Variants in SLC35H1 observed in about 807,000 individuals in gnomAD.
The protein encoded by SLC35H1 is ovarian cancer-overexpressed gene 1 protein.
At chr20:46,347,951 T>G in the SLC35H1 span, 1 of 152,260 alleles carries the variant, frequency 6.6e-6, no homozygotes, top group Admixed American at 6.5e-5. Flanking sequence ...TCTCCGCCCC[T>G]TCTGCAGAAG....
At chr20:46,361,345 T>A in the SLC35H1 span, among the ~76,000 whole-genome samples, 1 of 152,296 alleles carries the variant, frequency 6.6e-6, no homozygotes, top group Non-Finnish European at 1.5e-5. Flanking sequence ...TTCAGAAATA[T>A]CCCAAATATG....
the SLC35H1 span, chr20:46,358,345 A>C: frequency 1.5e-5 from 23 of 1,565,574 alleles, no homozygotes; most frequent in Admixed American, 3.8e-4. Context: ...GGCTCTGGCC[A>C]CCTTCATCCC....
chr20:46,352,861 T>C, the SLC35H1 span: 1 of 153,734 alleles, frequency 6.5e-6, no homozygotes, highest in Non-Finnish European at 1.4e-5. Flanking sequence ...TGGCCCTGCA[T>C]GGAAAGACGG....
chr20:46,350,506 G>A, the SLC35H1 span: 1 of 1,603,278 alleles, frequency 6.2e-7, no homozygotes. Context: ...CCCCTTCAAG[G>A]CCTTGGGGCC....
chr20:46,363,140 G>A, the SLC35H1 span: 3 of 152,234 alleles, frequency 2.0e-5, no homozygotes, highest in East Asian at 1.9e-4. Context: ...TGGGTGCCAC[G>A]ATACCACATT....
At chr20:46,351,184 T>C in the SLC35H1 span, among the ~76,000 whole-genome samples, 1 of 152,148 alleles carries the variant, frequency 6.6e-6, no homozygotes, top group Non-Finnish European at 1.5e-5. Context: ...TCGCGCCTTA[T>C]CCACAAGGAT....
the SLC35H1 span, chr20:46,358,375 G>A: frequency 4.3e-6 from 7 of 1,612,506 alleles, no homozygotes; most frequent in East Asian, 1.3e-4. Flanking sequence ...CCCCAGCAAG[G>A]CCTCCTGGTA....
At chr20:46,363,744 C>T in the SLC35H1 span, among the ~76,000 whole-genome samples, 1 of 152,210 alleles carries the variant, frequency 6.6e-6, no homozygotes, top group Non-Finnish European at 1.5e-5. Context: ...ATCTATAAAG[C>T]AGCCAGAGAG....
chr20:46,353,489 G>A, the SLC35H1 span, among the ~76,000 whole-genome samples: 1 of 152,202 alleles, frequency 6.6e-6, no homozygotes, highest in Non-Finnish European at 1.5e-5. Flanking sequence ...GCTGGAAGCT[G>A]GACGAGTATT....
At chr20:46,355,962 C>T in the SLC35H1 span, 20 of 1,579,996 alleles carry the variant, frequency 1.3e-5, no homozygotes, top group South Asian at 2.3e-5. This position sits in a 1 kb window ranked among gnomAD's most constrained non-coding sequence, Gnocchi z 4.8. Context: ...AATCACTGAG[C>T]GAAATGACCA....
the SLC35H1 span, chr20:46,358,594 A>C: frequency 6.2e-7 from 1 of 1,600,990 alleles, no homozygotes; most frequent in Non-Finnish European, 8.5e-7. Context: ...CGGTGGAGTT[A>C]GACCACAGCT....
the SLC35H1 span, chr20:46,350,532 T>C: frequency 8.2e-6 from 13 of 1,582,738 alleles, no homozygotes; most frequent in African/African-American, 5.5e-5. Context: ...CACCTTGGGA[T>C]AGAGAGAGAC....
At chr20:46,360,583 T>TGCCCAG in the SLC35H1 span, among the ~76,000 whole-genome samples, 1 of 152,122 alleles carries the variant, frequency 6.6e-6, no homozygotes, top group African/African-American at 2.4e-5. Context: ...TCGCTCCTGT[T>TGCCCAG]GCCCAGGCTG....
the SLC35H1 span, chr20:46,362,972 G>A: frequency 6.6e-6 from 1 of 152,272 alleles, no homozygotes; most frequent in African/African-American, 2.4e-5. Flanking sequence ...CTCCATGTTG[G>A]TCAGGCTGGT....
chr20:46,359,052 G>T, the SLC35H1 span: 1 of 412,044 alleles, frequency 2.4e-6, no homozygotes, highest in Non-Finnish European at 4.6e-6. Context: ...CCCTTCTTTC[G>T]GCTCCCATGG....
the SLC35H1 span, chr20:46,355,346 CAAG>C: frequency 2.3e-6 from 3 of 1,298,180 alleles, no homozygotes; most frequent in Non-Finnish European, 3.2e-6. This position sits in a 1 kb window ranked among gnomAD's most constrained non-coding sequence, Gnocchi z 4.8. Flanking sequence ...GCCCCTGGGG[CAAG>C]AAATCCTTCC....
chr20:46,355,176 G>C, the SLC35H1 span: 3 of 1,613,984 alleles, frequency 1.9e-6, no homozygotes, highest in African/African-American at 1.3e-5. The surrounding 1 kb of genome is among the most constrained non-coding windows in gnomAD (Gnocchi z 4.8). Context: ...TGAACTGTGT[G>C]GACTTGTAGG....
chr20:46,356,583 G>A, the SLC35H1 span: 1 of 1,614,150 alleles, frequency 6.2e-7, no homozygotes, highest in Non-Finnish European at 8.5e-7. Flanking sequence ...CAGCGAGACG[G>A]TGACATACAG....
At chr20:46,350,676 CG>C in the SLC35H1 span, 1,668 of 1,543,450 alleles carry the variant, frequency 1.1e-3, 15 homozygotes, top group African/African-American at 0.02. Flanking sequence ...GCAGAGCCAC[CG>C]GGCACACTTC....
Sources: gnomAD v4.1 joint callset for allele counts (sites outside exome capture counted in the v4.1 genomes callset) on GRCh38, gnomAD v4.1.1 for gene constraint, Gnocchi (gnomAD v3.1) non-coding constraint, MANE v1.5 for transcripts, NCBI Gene and HGNC (gene_info 2026-07-23, HGNC 2026-07-21) for gene names.